FAM193B: variants seen among roughly 807,000 people sequenced by gnomAD.
FAM193B encodes the protein protein FAM193B.
A neutral mutation model predicts 70.7 loss-of-function variants in FAM193B; 27 were observed. The ratio of observed to expected loss-of-function variants is 0.38; its 90% CI spans 0.28 to 0.53. The LOEUF (loss-of-function observed/expected upper bound fraction) is 0.53. Ranked by LOEUF, FAM193B falls within the 20% of genes least tolerant of loss-of-function variation. The pLI is 0.81. For missense variants in FAM193B, 1,022 were observed against 1,072.5 expected (o/e 0.95, Z 0.66); for synonymous variants, 448 against 436.0 (o/e 1.03, Z -0.34).
chr5:177,540,094 C>T (rs1764663663), intron 1 of FAM193B, among the ~76,000 whole-genome samples: 2 of 152,032 alleles, frequency 1.3e-5, no homozygotes, highest in South Asian at 2.1e-4. Context: ...ATCACGAGGT[C>T]AGGAGATCGA....
chr5:177,546,665 G>A (rs1257291002), intron 1 of FAM193B, among the ~76,000 whole-genome samples: 2 of 152,160 alleles, frequency 1.3e-5, no homozygotes, highest in Admixed American at 1.3e-4. Flanking sequence ...CAGTGCCCTG[G>A]AGCTGTTACC....
intron 8 of FAM193B, among the ~76,000 whole-genome samples, chr5:177,520,846 C>T (rs1761619532): frequency 6.6e-6 from 1 of 152,122 alleles, no homozygotes; most frequent in Admixed American, 6.5e-5. Context: ...GCTGACTGAG[C>T]CCAACCCCTT....
chr5:177,537,240 T>C (rs1764283338), intron 3 of FAM193B, among the ~76,000 whole-genome samples: 1 of 152,230 alleles, frequency 6.6e-6, no homozygotes, highest in Non-Finnish European at 1.5e-5. Flanking sequence ...TGGAATTATA[T>C]ACTGCTCAAC....
Position 177,520,874 on chromosome 5 carries a change from A to G in FAM193B, c.*2-693T>C, listed in dbSNP as rs372810272. 3.9e-5 allele frequency among the ~76,000 whole-genome samples: 6 copies of G among 152,314 alleles called. No homozygotes were observed. In the East Asian group the frequency reaches 1.2e-3, roughly 29 times the overall value. ...AACCCCTTCAGAGGAGAGGAGGACT[A>G]AAGTGAGTGTAAAGAAGACAGTCTG... On this transcript the variant is annotated intron_variant, in intron 8 of 8. Transcript: ENST00000514747.
At chr5:177,523,807 T>G in intron 7 of FAM193B, 150 bp downstream of exon 7, 15 of 804,692 alleles carry the variant, frequency 1.9e-5, no homozygotes, top group South Asian at 3.3e-5. Context: ...GGCAGGCTGG[T>G]GGGAGAGGGC....
chr5:177,536,450 C>A lies in FAM193B; in HGVS notation c.984G>T (p.Gly328=). The A allele has an allele frequency of 6.3e-7, 1 of 1,586,846 alleles. No individual in the cohort carries two copies. Residue 328 remains glycine (G), a synonymous_variant, in exon 4 of 9, where the codon GGG becomes GGT. Transcript: ENST00000514747. The part of the protein sequence containing the change: ...PLLKMPPPFS[G]CSHPCSGHCG... ...AGTGCCCGCTGCAGGGGTGGCTGCA[C>A]CCCGAGAATGGTGGGGGCATCTTCA...
chr5:177,550,154 T>TAAA (rs111562933), intron 1 of FAM193B, among the ~76,000 whole-genome samples: 2 of 149,350 alleles, frequency 1.3e-5, no homozygotes, highest in African/African-American at 4.9e-5. Flanking sequence ...ATCTCTAAAT[T>TAAA]AAAAAAAAAA....
In FAM193B at chr5:177,539,141, G is replaced by C. The variant is rs760844294; in HGVS notation, c.217C>G (p.Pro73Ala). ...GTCTGCACAGGCTGGCTGGAGGCGG[G>C]GGGGACCTGTCCAACAGACAGAAAC... ...PNLVPGPQVP[P>A]ASSQPVQTCC... The change falls in exon 2 of 9, where the codon CCC (proline) becomes GCC (alanine). Residue 73 changes from proline to alanine, a missense_variant. Transcript: ENST00000514747. 1.9e-6 allele frequency: 3 copies of C among 1,565,908 alleles called. No homozygotes were observed. The highest frequency in any genetic ancestry group is 2.6e-6 in the Non-Finnish European group (3 of 1,155,504).
chr5:177,531,532 G>T (rs767300576), intron 5 of FAM193B: 3 of 1,284,734 alleles, frequency 2.3e-6, no homozygotes, highest in African/African-American at 3.0e-5. Context: ...CTGGGGGTGG[G>T]GGGGAGGTGC....
chr5:177,522,438 T>C (rs894086834), intron 7 of FAM193B, among the ~76,000 whole-genome samples: 1 of 152,210 alleles, frequency 6.6e-6, no homozygotes, highest in Non-Finnish European at 1.5e-5. Context: ...AAATCCCTTA[T>C]ATAAAAATGG....
chr5:177,524,382 G>A lies in FAM193B; in HGVS notation c.2099C>T (p.Pro700Leu), dbSNP rs754635829. 1 of 1,571,914 alleles carries A rather than the reference G, an allele frequency of 6.4e-7. No individual in the cohort carries two copies. Among genetic ancestry groups the A allele is most frequent in the Non-Finnish European group, 8.6e-7 (1 of 1,159,552 alleles). The change falls in exon 6 of 9, where the codon CCA becomes CTA. Residue 700 changes from proline to leucine, a missense_variant. Pro to Leu is a moderately conservative substitution (Grantham distance 98, BLOSUM62 -3). Coordinates refer to ENST00000514747, the MANE Select transcript of FAM193B (RefSeq NM_001190946.3). Reference sequence around the variant, plus strand: ...AGTTTTGGGACTGCCAGCCCAACCTGGTCCTGGCCGGCTCCCCCGGCTCCC... The same window carrying A: ...AGTTTTGGGACTGCCAGCCCAACCTAGTCCTGGCCGGCTCCCCCGGCTCCC... ...GEGSRGSRPG[P>L]GWAGSPKTEK...
Position 177,532,425 on chromosome 5 carries a change from C to T in FAM193B, c.1275+18G>A. 1 of 1,603,678 alleles carries T rather than the reference C, an allele frequency of 6.2e-7. No individual in the cohort carries two copies. The highest frequency in any genetic ancestry group is 8.5e-7 in the Non-Finnish European group (1 of 1,176,090). On this transcript the variant is annotated intron_variant, in intron 5 of 8. Transcript: ENST00000514747. This position sits in a 1 kb window ranked among gnomAD's most constrained non-coding sequence, Gnocchi z 4.9. ...TGGCTGGCCCCCAGCCCTCTCTAGC[C>T]TGGGCAGGCTCACTCACCGCATTGT...
chr5:177,551,016 T>C (rs1297836779), intron 1 of FAM193B, among the ~76,000 whole-genome samples: 1 of 147,476 alleles, frequency 6.8e-6, no homozygotes, highest in African/African-American at 2.5e-5. Flanking sequence ...TTTTTTTTTA[T>C]AGAACCAGAG....
rs528999269 is a variant in FAM193B at position 177,553,034 on chromosome 5, T to C, written c.210+1215A>G. On this transcript the variant is annotated intron_variant, in intron 1 of 8. Transcript: ENST00000514747. ...GCAGGCAACAGACATATCAACACAA[T>C]GTTTCATCACAGAAAGGGGAGTGCT... is the stretch of plus-strand genomic sequence containing the variant. 10 of 279,958 alleles carry C rather than the reference T, an allele frequency of 3.6e-5. No homozygotes were observed. The East Asian group carries it at 1.8e-3, about 49-fold the overall frequency. The allele number at this position is 279,958 out of a possible 1,614,324, so 17.3% of individuals were successfully genotyped here.
At chr5:177,529,958 T>C (rs573755919) in intron 5 of FAM193B, among the ~76,000 whole-genome samples, 5 of 152,302 alleles carry the variant, frequency 3.3e-5, no homozygotes, top group African/African-American at 9.6e-5. Flanking sequence ...CTGGTTGTCC[T>C]TGGGGCTGAA....
At position 177,536,646 on chromosome 5, in the gene FAM193B, G is replaced by A. The variant is rs566927662; in HGVS notation, c.788C>T (p.Pro263Leu). The change falls in exon 4 of 9, where the codon CCG (proline) becomes CTG (leucine). Residue 263 changes from proline (P) to leucine (L), a missense_variant. Coordinates refer to ENST00000514747, the MANE Select transcript of FAM193B (RefSeq NM_001190946.3). ...GGAGCCAAAGGAGCTGGGGTGAGAC[G>A]GGATTAGAGATGCTGGCTGCGGGTG... is the stretch of plus-strand genomic sequence containing the variant. Reference protein sequence around the residue: ...GHHPQPASLIPSHPSSFGSPP... With the variant: ...GHHPQPASLILSHPSSFGSPP... 4.8e-5 allele frequency: 75 copies of A among 1,564,934 alleles called. 1 individual carries two copies. Among genetic ancestry groups the A allele is most frequent in the East Asian group, 2.1e-4 (9 of 43,098 alleles).
chr5:177,535,024 A>C (rs191870605), intron 4 of FAM193B, among the ~76,000 whole-genome samples: 8 of 152,360 alleles, frequency 5.3e-5, no homozygotes, highest in Admixed American at 3.9e-4. Context: ...GCAGTTTTTC[A>C]ATGTGTATTA....
At chr5:177,547,604 AAAG>A (rs1395866691) in intron 1 of FAM193B, among the ~76,000 whole-genome samples, 1 of 152,128 alleles carries the variant, frequency 6.6e-6, no homozygotes, top group Non-Finnish European at 1.5e-5. Flanking sequence ...TTCTTGAAGC[AAAG>A]GACAGAAGGA....
chr5:177,546,693 T>G (rs962045809), intron 1 of FAM193B, among the ~76,000 whole-genome samples: 1 of 152,244 alleles, frequency 6.6e-6, no homozygotes, highest in Non-Finnish European at 1.5e-5. Flanking sequence ...CCATGCAGGC[T>G]GTGGGCTCAG....
Sources: gnomAD v4.1 joint callset for allele counts (sites outside exome capture counted in the v4.1 genomes callset) on GRCh38, gnomAD v4.1.1 for gene constraint, Gnocchi (gnomAD v3.1) non-coding constraint, MANE v1.5 for transcripts, NCBI Gene and HGNC (gene_info 2026-07-23, HGNC 2026-07-21) for gene names.